Variants in LDB2 observed in about 807,000 individuals in gnomAD.
LDB2 encodes the protein LIM domain binding 2.
LDB2 carries 12 observed loss-of-function variants against 44.3 expected under a neutral mutation model. The ratio of observed to expected loss-of-function variants is 0.27; its 90% CI spans 0.17 to 0.44. LDB2 has a LOEUF of 0.44. Ranked by LOEUF, LDB2 falls within the 20% of genes least tolerant of loss-of-function variation. LDB2 has a pLI of 1.00. For synonymous variants in LDB2, 164 were observed against 174.8 expected (o/e 0.94, Z 0.49); for missense variants, 344 against 473.5 (o/e 0.73, Z 2.54).
In LDB2 at chr4:16,501,787, A is replaced by G. The variant is rs532598896; in HGVS notation, c.*856T>C. 2 of 152,772 alleles carry G rather than the reference A, an allele frequency of 1.3e-5. No individual in the cohort carries two copies. Among genetic ancestry groups the G allele is most frequent in the East Asian group, 1.9e-4 (1 of 5,182 alleles). 9.5% of individuals were successfully genotyped at this position (152,772 alleles called of 1,614,324 possible). On this transcript the variant is annotated 3_prime_UTR_variant, in exon 8 of 8. Transcript: ENST00000304523. The stretch of plus-strand genomic sequence containing the variant: ...AAATATCATACAAGAAATATACTAT[A>G]AAAAGAAAGGATGGTCAACTCAGGT...
intron 2 of LDB2, among the ~76,000 whole-genome samples, chr4:16,642,160 GA>G (rs1323286886): frequency 6.6e-6 from 1 of 152,148 alleles, no homozygotes; most frequent in Non-Finnish European, 1.5e-5. Flanking sequence ...AATTGCCTCA[GA>G]AAGCCAAGTG....
At chr4:16,698,440 T>C (rs1342103574) in intron 2 of LDB2, among the ~76,000 whole-genome samples, 1 of 152,222 alleles carries the variant, frequency 6.6e-6, no homozygotes, top group Non-Finnish European at 1.5e-5. Flanking sequence ...AGGTCCCCAT[T>C]ATGATCAAAC....
At chr4:16,679,670 A>T (rs914334016) in intron 2 of LDB2, among the ~76,000 whole-genome samples, 5 of 152,112 alleles carry the variant, frequency 3.3e-5, no homozygotes, top group Non-Finnish European at 7.3e-5. Flanking sequence ...GGGCACTGAG[A>T]GTGGCCATCA....
chr4:16,519,520 G>C (rs936923892), intron 5 of LDB2, among the ~76,000 whole-genome samples: 2 of 151,728 alleles, frequency 1.3e-5, no homozygotes, highest in African/African-American at 2.4e-5. Context: ...GCCTTTCACT[G>C]TTTTTGTGTT....
chr4:16,636,467 G>A (rs1428872717), intron 2 of LDB2, among the ~76,000 whole-genome samples: 1 of 152,210 alleles, frequency 6.6e-6, no homozygotes, highest in African/African-American at 2.4e-5. Context: ...CTGTCGAGTA[G>A]ATTAAATGCC....
chr4:16,671,185 G>T (rs569850759), intron 2 of LDB2, among the ~76,000 whole-genome samples: 10 of 151,934 alleles, frequency 6.6e-5, no homozygotes, highest in Admixed American at 3.9e-4. Flanking sequence ...ATTTGGAAGT[G>T]GGGGGATATT....
intron 2 of LDB2, among the ~76,000 whole-genome samples, chr4:16,606,556 A>C (rs942651381): frequency 1.3e-5 from 2 of 152,094 alleles, no homozygotes; most frequent in Non-Finnish European, 2.9e-5. Context: ...GCCCTCAAGT[A>C]CTCAAAAGTT....
intron 1 of LDB2, among the ~76,000 whole-genome samples, chr4:16,800,583 G>A (rs1474154755): frequency 6.6e-6 from 1 of 152,246 alleles, no homozygotes; most frequent in Non-Finnish European, 1.5e-5. Context: ...GGAAGTCAAA[G>A]ATGAAGACTG....
At chr4:16,888,615 T>C (rs1282445362) in intron 1 of LDB2, 2 of 550,046 alleles carry the variant, frequency 3.6e-6, no homozygotes, top group Non-Finnish European at 4.6e-6. Flanking sequence ...AGTGCAGGCA[T>C]GTAAAAAGTA....
chr4:16,843,487 T>C (rs909825561), intron 1 of LDB2, among the ~76,000 whole-genome samples: 1 of 152,252 alleles, frequency 6.6e-6, no homozygotes, highest in Non-Finnish European at 1.5e-5. Context: ...TGAATGCAAG[T>C]GTATACATAG....
At chr4:16,755,529 G>GTGTGTGTGT (rs1766419472) in intron 2 of LDB2, among the ~76,000 whole-genome samples, 2 of 24,032 alleles carry the variant, frequency 8.3e-5, no homozygotes, top group African/African-American at 2.3e-4. Context: ...GTGTGTATGT[G>GTGTGTGTGT]AGAGAGAGAG....
intron 1 of LDB2, among the ~76,000 whole-genome samples, chr4:16,790,565 T>G (rs1775493200): frequency 6.6e-6 from 1 of 152,228 alleles, no homozygotes; most frequent in African/African-American, 2.4e-5. Context: ...GTACACTCCA[T>G]GACGTTTGCA....
intron 2 of LDB2, among the ~76,000 whole-genome samples, chr4:16,613,285 C>T (rs1726190275): frequency 6.6e-6 from 1 of 152,124 alleles, no homozygotes; most frequent in African/African-American, 2.4e-5. Context: ...GGAAGCATTC[C>T]CTTTGAAAAC....
At chr4:16,752,879 A>G (rs572551716) in intron 2 of LDB2, among the ~76,000 whole-genome samples, 113 of 149,662 alleles carry the variant, frequency 7.6e-4, no homozygotes, top group Middle Eastern at 3.4e-3. Flanking sequence ...GTCTCAATGG[A>G]TGGAAAAAAA....
intron 1 of LDB2, among the ~76,000 whole-genome samples, chr4:16,864,650 C>T (rs1306020480): frequency 3.3e-5 from 5 of 152,144 alleles, no homozygotes; most frequent in African/African-American, 7.2e-5. Flanking sequence ...ACCGGTTGGG[C>T]GCAGTAGCTC....
At chr4:16,895,877 A>T (rs886806352) in intron 1 of LDB2, among the ~76,000 whole-genome samples, 101 of 152,284 alleles carry the variant, frequency 6.6e-4, no homozygotes, top group African/African-American at 2.3e-3. Flanking sequence ...GTTTTTTTCA[A>T]GGTACATACA....
At chr4:16,553,996 A>ATC (rs1330794950) in intron 5 of LDB2, among the ~76,000 whole-genome samples, 2 of 151,420 alleles carry the variant, frequency 1.3e-5, no homozygotes, top group Non-Finnish European at 2.9e-5. Flanking sequence ...CATCCTCTAG[A>ATC]TCTCTCTCTC....
intron 1 of LDB2, among the ~76,000 whole-genome samples, chr4:16,771,770 T>C (rs966773959): frequency 2.0e-5 from 3 of 152,158 alleles, no homozygotes; most frequent in Non-Finnish European, 2.9e-5. Flanking sequence ...TCTCTGTGCC[T>C]CCAGTAACTT....
chr4:16,835,955 G>A (rs1031603290), intron 1 of LDB2, among the ~76,000 whole-genome samples: 2 of 152,194 alleles, frequency 1.3e-5, no homozygotes, highest in Non-Finnish European at 2.9e-5. Context: ...TTCAGGAATG[G>A]TGGGGTACAA....
Sources: gnomAD v4.1 joint callset for allele counts (sites outside exome capture counted in the v4.1 genomes callset) on GRCh38, gnomAD v4.1.1 for gene constraint, MANE v1.5 for transcripts, NCBI Gene and HGNC (gene_info 2026-07-23, HGNC 2026-07-21) for gene names.